Variants in CNTNAP2 observed in about 807,000 individuals in gnomAD.
The protein encoded by CNTNAP2 is contactin associated protein 2.
CNTNAP2 carries 98 observed loss-of-function variants against 155.2 expected under a neutral mutation model. That is an observed-to-expected ratio of 0.63 (90% CI 0.54 to 0.75). The LOEUF (loss-of-function observed/expected upper bound fraction) is 0.75, where lower values mean the gene tolerates loss of function less well. CNTNAP2 is among the 30% of genes least tolerant of loss of function. The pLI, the probability that CNTNAP2 is intolerant of heterozygous loss-of-function variation, is 0.00. For missense variants in CNTNAP2, 1,727 were observed against 1,688.1 expected (o/e 1.02, Z -0.40); for synonymous variants, 651 against 631.2 (o/e 1.03, Z -0.47).
intron 2 of CNTNAP2, among the ~76,000 whole-genome samples, chr7:146,787,959 C>T (rs1477417134): frequency 6.6e-6 from 1 of 152,206 alleles, no homozygotes; most frequent in Non-Finnish European, 1.5e-5. Flanking sequence ...AAGTCCCCAC[C>T]AGATTAGCTA....
chr7:147,621,590 G>C (rs1044483467), intron 12 of CNTNAP2, among the ~76,000 whole-genome samples: 1 of 151,726 alleles, frequency 6.6e-6, no homozygotes, highest in Non-Finnish European at 1.5e-5. Context: ...TGTGTTATAA[G>C]ATAGTATTTG....
At chr7:146,645,998 G>A (rs1216312905) in intron 1 of CNTNAP2, among the ~76,000 whole-genome samples, 1 of 152,140 alleles carries the variant, frequency 6.6e-6, no homozygotes, top group African/African-American at 2.4e-5. Context: ...AGTCACATAT[G>A]TCACTGTTAC....
chr7:147,324,840 C>G (rs1373797586), intron 9 of CNTNAP2, among the ~76,000 whole-genome samples: 1 of 152,054 alleles, frequency 6.6e-6, no homozygotes, highest in Non-Finnish European at 1.5e-5. Flanking sequence ...GAAGACCTAA[C>G]TGGCTAAACA....
intron 1 of CNTNAP2, among the ~76,000 whole-genome samples, chr7:146,473,549 G>T (rs1796830638): frequency 6.6e-6 from 1 of 151,980 alleles, no homozygotes; most frequent in Admixed American, 6.6e-5. Context: ...TGATTTCCAG[G>T]GTGACAATAT....
At chr7:147,344,451 G>A (rs80312825) in intron 9 of CNTNAP2, among the ~76,000 whole-genome samples, 10,863 of 152,144 alleles carry the variant, frequency 0.071, 685 homozygotes, top group East Asian at 0.32. Context: ...AAACTCGAAA[G>A]ACAGATTTTA....
chr7:148,283,912 T>G (rs1443417431), intron 21 of CNTNAP2, among the ~76,000 whole-genome samples: 4 of 152,216 alleles, frequency 2.6e-5, no homozygotes, highest in Non-Finnish European at 5.9e-5. Context: ...ATGTATTGGT[T>G]GGTTGATAAA....
intron 1 of CNTNAP2, among the ~76,000 whole-genome samples, chr7:146,138,145 T>C (rs1421484651): frequency 6.6e-6 from 1 of 152,162 alleles, no homozygotes; most frequent in Non-Finnish European, 1.5e-5. Flanking sequence ...AAACTTTAAG[T>C]ATAAATTGAT....
intron 13 of CNTNAP2, among the ~76,000 whole-genome samples, chr7:147,872,001 A>T (rs1042686265): frequency 2.0e-5 from 3 of 152,102 alleles, no homozygotes; most frequent in Non-Finnish European, 4.4e-5. Context: ...ATTGATTTTT[A>T]AATTACCACT....
chr7:146,244,466 G>C (rs938966525), intron 1 of CNTNAP2, among the ~76,000 whole-genome samples: 9 of 152,166 alleles, frequency 5.9e-5, no homozygotes, highest in African/African-American at 1.7e-4. Flanking sequence ...CGTCTATACA[G>C]GAGCTCAAAT....
At chr7:147,921,923 G>A (rs1264221113) in intron 14 of CNTNAP2, among the ~76,000 whole-genome samples, 1 of 152,174 alleles carries the variant, frequency 6.6e-6, no homozygotes, top group Non-Finnish European at 1.5e-5. Flanking sequence ...GTAACGCTGA[G>A]ACATGTGGTG....
intron 1 of CNTNAP2, among the ~76,000 whole-genome samples, chr7:146,690,503 C>T (rs866950611): frequency 6.6e-6 from 1 of 152,106 alleles, no homozygotes; most frequent in African/African-American, 2.4e-5. Context: ...GTTTTTGTTT[C>T]TCCAGATTAA....
chr7:147,033,049 C>T (rs577562080), intron 3 of CNTNAP2, among the ~76,000 whole-genome samples: 3 of 150,606 alleles, frequency 2.0e-5, no homozygotes, highest in South Asian at 4.2e-4. Flanking sequence ...GCTTCTAGTA[C>T]GATTATTCTA....
chr7:147,457,948 G>C (rs943114584), intron 10 of CNTNAP2, among the ~76,000 whole-genome samples: 1 of 152,070 alleles, frequency 6.6e-6, no homozygotes, highest in African/African-American at 2.4e-5. Flanking sequence ...CCTGTTTCCA[G>C]CTCTTTCTCT....
intron 1 of CNTNAP2, among the ~76,000 whole-genome samples, chr7:146,296,540 C>T (rs1348906938): frequency 2.0e-5 from 3 of 152,072 alleles, no homozygotes; most frequent in Non-Finnish European, 4.4e-5. Flanking sequence ...TGATTCCAGG[C>T]AGCAGACTTC....
At chr7:148,244,877 T>A (rs989260572) in intron 20 of CNTNAP2, among the ~76,000 whole-genome samples, 24 of 151,182 alleles carry the variant, frequency 1.6e-4, no homozygotes, top group African/African-American at 5.3e-4. Context: ...CCTTTTTTTT[T>A]AATCTAATAT....
intron 1 of CNTNAP2, among the ~76,000 whole-genome samples, chr7:146,242,045 TA>T (rs1479449272): frequency 6.6e-6 from 1 of 152,140 alleles, no homozygotes; most frequent in Non-Finnish European, 1.5e-5. Flanking sequence ...TCTTGAGCTA[TA>T]AAAAGAGTTC....
At chr7:146,451,150 G>A (rs1280481843) in intron 1 of CNTNAP2, among the ~76,000 whole-genome samples, 1 of 152,068 alleles carries the variant, frequency 6.6e-6, no homozygotes, top group African/African-American at 2.4e-5. Flanking sequence ...GTTTCACCGT[G>A]TTAGCCATGA....
chr7:147,718,606 A>C (rs1356761604), intron 13 of CNTNAP2, among the ~76,000 whole-genome samples: 1 of 152,012 alleles, frequency 6.6e-6, no homozygotes, highest in Admixed American at 6.6e-5. Context: ...ATTTTTGGTA[A>C]GACCTGTTTT....
intron 1 of CNTNAP2, among the ~76,000 whole-genome samples, chr7:146,356,308 C>T (rs934578401): frequency 6.6e-6 from 1 of 152,160 alleles, no homozygotes; most frequent in Non-Finnish European, 1.5e-5. Flanking sequence ...CTTTAAGATG[C>T]TGGTTTTTTA....
Sources: allele counts gnomAD v4.1 joint callset (sites outside exome capture counted in the v4.1 genomes callset), GRCh38; gene constraint gnomAD v4.1.1; transcripts MANE v1.5; gene names NCBI Gene and HGNC (gene_info 2026-07-23, HGNC 2026-07-21).